The following FAM3D variants were observed in gnomAD, a reference collection of about 807,000 sequenced individuals.
FAM3D encodes FAM3 metabolism regulating signaling molecule D.
FAM3D carries 26 observed loss-of-function variants against 29.8 expected under a neutral mutation model. The ratio of observed to expected loss-of-function variants is 0.87; its 90% CI spans 0.64 to 1.21. The LOEUF (loss-of-function observed/expected upper bound fraction) is 1.21, where lower values mean the gene tolerates loss of function less well. Among genes scored for constraint, FAM3D ranks in the 50% most tolerant of loss-of-function variants. The pLI is 0.00. For synonymous variants in FAM3D, 115 were observed against 102.3 expected, an observed-to-expected ratio of 1.12 and a Z score of -0.75; for missense variants, 253 against 290.9, an observed-to-expected ratio of 0.87 and a Z score of 0.95.
intron 4 of FAM3D, among the ~76,000 whole-genome samples, chr3:58,646,309 T>C (rs2066478945): frequency 6.6e-6 from 1 of 152,184 alleles, no homozygotes; most frequent in African/African-American, 2.4e-5. Flanking sequence ...CAGCACGGTG[T>C]TGGGAGCCCA....
At chr3:58,663,046 C>T (rs1401731180) in intron 1 of FAM3D, among the ~76,000 whole-genome samples, 1 of 152,178 alleles carries the variant, frequency 6.6e-6, no homozygotes, top group Non-Finnish European at 1.5e-5. Flanking sequence ...CTACAGGCAT[C>T]CGCCCCCATG....
chr3:58,659,385 C>A (rs983243540), intron 1 of FAM3D, among the ~76,000 whole-genome samples: 2 of 152,214 alleles, frequency 1.3e-5, no homozygotes, highest in African/African-American at 4.8e-5. Flanking sequence ...CTGTTGCCTG[C>A]GGCCTTCTGT....
At chr3:58,641,113 C>G (rs918914959) in intron 6 of FAM3D, among the ~76,000 whole-genome samples, 5 of 152,252 alleles carry the variant, frequency 3.3e-5, no homozygotes, top group African/African-American at 1.2e-4. Flanking sequence ...TTAAAGACTA[C>G]TGGATCCTTA....
chr3:58,652,048 T>C (rs1270729400), intron 3 of FAM3D, among the ~76,000 whole-genome samples: 1 of 152,178 alleles, frequency 6.6e-6, no homozygotes, highest in Non-Finnish European at 1.5e-5. Context: ...TGTGATGATG[T>C]CAATGTACAT....
intron 6 of FAM3D, among the ~76,000 whole-genome samples, chr3:58,642,158 A>G (rs1313302782): frequency 6.6e-6 from 1 of 152,136 alleles, no homozygotes; most frequent in Non-Finnish European, 1.5e-5. Flanking sequence ...AAAGCTGCAG[A>G]GGAACGGCTG....
At chr3:58,664,889 C>T (rs1041566013) in intron 1 of FAM3D, among the ~76,000 whole-genome samples, 1 of 152,188 alleles carries the variant, frequency 6.6e-6, no homozygotes, top group African/African-American at 2.4e-5. Flanking sequence ...GCAGGCTTGT[C>T]GGCTGCCCAC....
intron 1 of FAM3D, chr3:58,657,443 G>A (rs17059610): frequency 0.16 from 24,047 of 152,004 alleles, 2,300 homozygotes; most frequent in African/African-American, 0.26. Context: ...TTTAATATGC[G>A]CACACACAGA....
intron 3 of FAM3D, among the ~76,000 whole-genome samples, chr3:58,650,961 C>T (rs2066620567): frequency 6.7e-6 from 1 of 149,660 alleles, no homozygotes; most frequent in Non-Finnish European, 1.5e-5. Context: ...TCGTGATCTG[C>T]CCGCCTCGGC....
At chr3:58,652,673 T>C (rs544769005) in intron 3 of FAM3D, among the ~76,000 whole-genome samples, 3 of 152,092 alleles carry the variant, frequency 2.0e-5, no homozygotes, top group East Asian at 3.9e-4. Flanking sequence ...CATCTATCCA[T>C]CCAGCCATTC....
intron 5 of FAM3D, 64 bp from the exon 6 acceptor site, chr3:58,643,784 C>T: frequency 1.3e-6 from 2 of 1,507,936 alleles, no homozygotes; most frequent in Non-Finnish European, 1.8e-6. Flanking sequence ...CTCTGCTCTC[C>T]CAGCTGGGGA....
intron 2 of FAM3D, among the ~76,000 whole-genome samples, chr3:58,655,060 AC>A (rs145428870): frequency 0.032 from 4,883 of 152,188 alleles, 259 homozygotes; most frequent in African/African-American, 0.11. Context: ...TGGGGTTTAC[AC>A]CCAGAGAAGT....
intron 1 of FAM3D, among the ~76,000 whole-genome samples, chr3:58,660,248 C>T (rs911775380): frequency 1.5e-4 from 23 of 152,184 alleles, no homozygotes; most frequent in Admixed American, 1.4e-3. Context: ...CATGCATGCA[C>T]GTGAGTCAGG....
rs995028856 is a variant in FAM3D at position 58,666,586 on chromosome 3, G to C, written c.-49C>G. 6.6e-6 allele frequency: 1 copy of C among 152,130 alleles called. No individual in the cohort carries two copies. The highest frequency in any genetic ancestry group is 2.4e-5 in the African/African-American group (1 of 41,404). 9.4% of individuals were successfully genotyped at this position (152,130 alleles called of 1,614,324 possible). On this transcript the variant is annotated 5_prime_UTR_variant, in exon 1 of 10. Transcript: ENST00000358781. ...CTTGGGGGGACGTACCCGAGGGCTCGAGGCTCCCACTTCCCTGCTTCGATG... is the reference window on the plus strand; with the variant it reads ...CTTGGGGGGACGTACCCGAGGGCTCCAGGCTCCCACTTCCCTGCTTCGATG...
chr3:58,635,271 C>A lies in FAM3D; in HGVS notation c.586-903G>T, dbSNP rs908846720. On this transcript the variant is annotated intron_variant, in intron 9 of 9. Transcript: ENST00000358781. This position sits in a 1 kb window ranked among gnomAD's most constrained non-coding sequence, Gnocchi z 5.2. ...AGGTTTGGATTATGAAAGAAAAAAACGTAAATGGCAAAATCTGCTGTTGGA... is the reference window on the plus strand; with the variant it reads ...AGGTTTGGATTATGAAAGAAAAAAAAGTAAATGGCAAAATCTGCTGTTGGA... Among the ~76,000 whole-genome samples, 1 of 152,092 alleles carries A rather than the reference C, an allele frequency of 6.6e-6. No individual in the cohort carries two copies. The highest frequency in any genetic ancestry group is 2.1e-4 in the South Asian group (1 of 4,826).
At chr3:58,664,753 T>G (rs954947981) in intron 1 of FAM3D, among the ~76,000 whole-genome samples, 21 of 152,192 alleles carry the variant, frequency 1.4e-4, no homozygotes, top group Admixed American at 1.4e-3. Context: ...GGCCACACCC[T>G]TGGGGGAGCA....
chr3:58,634,288 C>A lies in FAM3D; in HGVS notation c.666G>T (p.Lys222Asn). The part of the protein sequence containing the change: ...LLEMEGCMPP[K>N]PF Reference sequence around the variant, plus strand: ...AAGAGCCACAGCCACCCTAAAATGGCTTCGGGGGCATGCAGCCCTCCATCT... The same window carrying A: ...AAGAGCCACAGCCACCCTAAAATGGATTCGGGGGCATGCAGCCCTCCATCT... The change falls in exon 10 of 10, where the codon AAG becomes AAT. Residue 222 changes from lysine (K) to asparagine (N), a missense_variant. Physicochemically the swap from Lys to Asn is moderately conservative, Grantham distance 94. Transcript: ENST00000358781. This position sits in a 1 kb window ranked among gnomAD's most constrained non-coding sequence, Gnocchi z 4.6. 6.2e-7 allele frequency: 1 copy of A among 1,614,004 alleles called. No individual in the cohort carries two copies. The highest frequency in any genetic ancestry group is 8.5e-7 in the Non-Finnish European group (1 of 1,180,006).
At chr3:58,642,444 G>A (rs772109462) in intron 6 of FAM3D, among the ~76,000 whole-genome samples, 8 of 152,298 alleles carry the variant, frequency 5.3e-5, no homozygotes, top group Middle Eastern at 3.4e-3. Flanking sequence ...AGCTCGACAA[G>A]TTCCTTCCTG....
At chr3:58,649,549 GCA>G (rs1441362341) in intron 3 of FAM3D, 9 of 597,404 alleles carry the variant, frequency 1.5e-5, no homozygotes, top group East Asian at 2.9e-5. Flanking sequence ...GTACACACAC[GCA>G]CACACATATA....
At position 58,643,701 on chromosome 3, in the gene FAM3D, T is replaced by G. The variant is rs779825271; in HGVS notation, c.283A>C (p.Asn95His). The change falls in exon 6 of 10, where the codon AAC (asparagine) becomes CAC (histidine). Residue 95 changes from asparagine (N) to histidine (H), a missense_variant. Transcript: ENST00000358781. ...EDRMIMSPVKNNVGRGLNIAL... is the reference protein window; with the variant it reads ...EDRMIMSPVKHNVGRGLNIAL... ...ATGTTTAGGCCTCTGCCCACATTGT[T>G]TTTCACAGGACTCATGATCCTGAAG... 3.1e-6 allele frequency: 5 copies of G among 1,613,816 alleles called. No homozygotes were observed. The South Asian group carries it at 5.5e-5, about 18-fold the overall frequency.
Sources: gnomAD v4.1 joint callset for allele counts (sites outside exome capture counted in the v4.1 genomes callset) on GRCh38, gnomAD v4.1.1 for gene constraint, Gnocchi (gnomAD v3.1) non-coding constraint, MANE v1.5 for transcripts, NCBI Gene and HGNC (gene_info 2026-07-23, HGNC 2026-07-21) for gene names.